Variants in SSB observed in about 807,000 individuals in gnomAD.
The protein encoded by SSB is lupus La protein.
Under a neutral mutation model 52.9 loss-of-function variants are expected in SSB, and 17 were observed. The observed-to-expected ratio is 0.32, with a 90% confidence interval of 0.22 to 0.48. SSB has a LOEUF of 0.48. SSB is among the 20% of genes least tolerant of loss of function. The pLI, the probability that SSB is intolerant of heterozygous loss-of-function variation, is 0.99. For missense variants in SSB, 314 were observed against 463.6 expected, an observed-to-expected ratio of 0.68 and a Z score of 2.96; for synonymous variants, 111 against 152.1, an observed-to-expected ratio of 0.73 and a Z score of 1.99.
chr2:169,810,705 C>T, intron 9 of SSB, 153 bp from the exon 10 acceptor site: 1 of 759,612 alleles, frequency 1.3e-6, no homozygotes, highest in East Asian at 2.7e-5. Context: ...AGTTTTACTT[C>T]TGTAGCATTC....
At chr2:169,808,436 T>A (rs1349546594) in intron 6 of SSB, 46 bp from the exon 7 acceptor site, 1 of 1,490,358 alleles carries the variant, frequency 6.7e-7, no homozygotes, top group Non-Finnish European at 9.3e-7. Flanking sequence ...TCTGCAGTCT[T>A]AACTTTGTTC....
chr2:169,804,408 A>T (rs984124777), intron 2 of SSB, among the ~76,000 whole-genome samples: 85 of 150,722 alleles, frequency 5.6e-4, no homozygotes, highest in African/African-American at 1.3e-3. Flanking sequence ...TTTCTTATTT[A>T]TTTTATTTAT....
chr2:169,801,732 C>G (rs1318112287), intron 2 of SSB, among the ~76,000 whole-genome samples: 1 of 151,992 alleles, frequency 6.6e-6, no homozygotes, highest in Admixed American at 6.6e-5. Context: ...CAGGGTTTCA[C>G]CATGTTGGCC....
intron 7 of SSB, 23 bp downstream of exon 7, chr2:169,808,576 G>A (rs768733416): frequency 2.0e-5 from 31 of 1,573,764 alleles, no homozygotes; most frequent in Admixed American, 3.4e-5. Flanking sequence ...AACTAATCAC[G>A]ACATAATTTG....
Position 169,806,878 on chromosome 2 carries a change from C to G in SSB, c.439C>G (p.His147Asp). 1 of 1,612,134 alleles carries G rather than the reference C, an allele frequency of 6.2e-7. No homozygotes were observed. Among genetic ancestry groups the G allele is most frequent in the South Asian group, 1.1e-5 (1 of 90,674 alleles). Residue 147 changes from histidine (H) to aspartate (D), a missense_variant, in exon 5 of 12, where the codon CAT becomes GAT. By Grantham distance (81) the His-to-Asp change is moderately conservative. Coordinates refer to ENST00000260956, the MANE Select transcript of SSB (RefSeq NM_003142.5). ...AAATATTCAGATGAGAAGAACATTG[C>G]ATAAAGCATTTAAGGTATGATAATA... is the stretch of plus-strand genomic sequence containing the variant. ...VLNIQMRRTL[H>D]KAFKGSIFVV...
chr2:169,803,398 C>T (rs988201022), intron 2 of SSB, among the ~76,000 whole-genome samples: 2 of 152,034 alleles, frequency 1.3e-5, no homozygotes, highest in African/African-American at 2.4e-5. Flanking sequence ...TATAGGTGCA[C>T]ACCACCATGC....
chr2:169,800,108 C>T (rs924736718), intron 1 of SSB, among the ~76,000 whole-genome samples: 1 of 152,180 alleles, frequency 6.6e-6, no homozygotes, highest in Non-Finnish European at 1.5e-5. Flanking sequence ...AGTATGACCA[C>T]ATTCTCCCAT....
chr2:169,812,009 G>T lies in SSB; in HGVS notation c.*253G>T. ...CCATTAAATTGCCTTTGTAATATGA[G>T]AATGTATTAGTACAAACTAACTAAT... is the stretch of plus-strand genomic sequence containing the variant. On this transcript the variant is annotated 3_prime_UTR_variant, in exon 12 of 12. Coordinates refer to ENST00000260956, the MANE Select transcript of SSB (RefSeq NM_003142.5). 1 of 827,446 alleles carries T rather than the reference G, an allele frequency of 1.2e-6. No homozygotes were observed. The highest frequency in any genetic ancestry group is 1.9e-6 in the Non-Finnish European group (1 of 527,928). 51.3% of individuals were successfully genotyped at this position (827,446 alleles called of 1,614,324 possible).
In SSB at chr2:169,805,823, A is replaced by G. The variant is rs537120356; in HGVS notation, c.329A>G (p.Asn110Ser). The change falls in exon 4 of 12, where the codon AAC (asparagine) becomes AGC (serine). Residue 110 changes from asparagine (N) to serine (S), a missense_variant. Coordinates refer to ENST00000260956, the MANE Select transcript of SSB (RefSeq NM_003142.5). Reference protein sequence around the residue: ...VTDEYKNDVKNRSVYIKGFPT... With the variant: ...VTDEYKNDVKSRSVYIKGFPT... The stretch of plus-strand genomic sequence containing the variant: ...GATGAGTATAAAAATGATGTAAAAA[A>G]CAGATCTGTTTATATTGTAAGTGGG... 6.2e-6 allele frequency: 10 copies of G among 1,613,448 alleles called. No individual in the cohort carries two copies. The highest frequency in any genetic ancestry group is 1.3e-5 in the African/African-American group (1 of 74,990).
intron 7 of SSB, 53 bp downstream of exon 7, chr2:169,808,606 A>G: frequency 6.8e-7 from 1 of 1,467,822 alleles, no homozygotes; most frequent in Non-Finnish European, 9.5e-7. Context: ...AAGCTCTGAC[A>G]GAAATATAGC....
intron 1 of SSB, among the ~76,000 whole-genome samples, chr2:169,800,328 C>A (rs1473933968): frequency 2.0e-5 from 3 of 151,956 alleles, no homozygotes; most frequent in Non-Finnish European, 4.4e-5. Context: ...GTCAGGAGTT[C>A]AAGACCAGTC....
chr2:169,803,231 T>A (rs1689747579), intron 2 of SSB, among the ~76,000 whole-genome samples: 1 of 149,852 alleles, frequency 6.7e-6, no homozygotes, highest in African/African-American at 2.4e-5. Flanking sequence ...TGAGGTTGGA[T>A]TTTTTTTTTA....
At chr2:169,801,522 T>G (rs1689712930) in intron 2 of SSB, among the ~76,000 whole-genome samples, 1 of 142,696 alleles carries the variant, frequency 7.0e-6, no homozygotes, top group Non-Finnish European at 1.5e-5. Context: ...TTTTTTTTTT[T>G]TTTTTTTTTT....
Position 169,811,063 on chromosome 2 carries a change from T to G in SSB, c.997+19T>G. 3.1e-6 allele frequency: 5 copies of G among 1,603,218 alleles called. No individual in the cohort carries two copies. The highest frequency in any genetic ancestry group is 4.2e-6 in the Non-Finnish European group (5 of 1,177,384). On this transcript the variant is annotated intron_variant, in intron 10 of 11. Coordinates refer to ENST00000260956, the MANE Select transcript of SSB (RefSeq NM_003142.5). ...TCAAAAGGTCATTTATTCTGATTTT[T>G]CTTTAACAGTTTGGTTGTTGAACCC...
chr2:169,798,979 G>C lies in SSB; in HGVS notation c.-10+3G>C, dbSNP rs1279190539. On this transcript the variant is annotated splice_donor_region_variant and intron_variant, in intron 1 of 11. Coordinates refer to ENST00000260956, the MANE Select transcript of SSB (RefSeq NM_003142.5). ...TTCTGTGGGCCGGAACCTTAAAGGTGAGTAACTCTCGGTGGCTAATGAGAA... is the reference window on the plus strand; with the variant it reads ...TTCTGTGGGCCGGAACCTTAAAGGTCAGTAACTCTCGGTGGCTAATGAGAA... The C allele has an allele frequency of 2.0e-5, 3 of 152,182 alleles. No individual in the cohort carries two copies. Among genetic ancestry groups the C allele is most frequent in the Non-Finnish European group, 4.4e-5 (3 of 68,074 alleles). 9.4% of individuals were successfully genotyped at this position (152,182 alleles called of 1,614,324 possible). A position where few individuals can be genotyped will look rare whatever the true frequency, so the allele number is the denominator to read the frequency against.
At chr2:169,808,641 T>G (rs77130712) in intron 7 of SSB, 88 bp downstream of exon 7, 1 of 1,258,576 alleles carries the variant, frequency 7.9e-7, no homozygotes, top group Non-Finnish European at 1.1e-6. Context: ...ATAGTGGCAG[T>G]AGACCTTTCT....
chr2:169,810,110 A>C (rs921168749), intron 8 of SSB, 173 bp from the exon 9 acceptor site: 4 of 362,226 alleles, frequency 1.1e-5, no homozygotes, highest in Middle Eastern at 7.3e-4. Context: ...ATTTATTATT[A>C]TTATTATTTT....
intron 4 of SSB, 65 bp downstream of exon 4, chr2:169,805,904 A>G: frequency 2.1e-6 from 3 of 1,449,610 alleles, no homozygotes; most frequent in Non-Finnish European, 2.9e-6. Context: ...ACGGAAGAAT[A>G]AGGGCTCAGG....
In SSB at chr2:169,810,321, T is replaced by C; in HGVS notation, c.708T>C (p.Phe236=). The C allele has an allele frequency of 6.2e-7, 1 of 1,606,818 alleles. No homozygotes were observed. The highest frequency in any genetic ancestry group is 8.5e-7 in the Non-Finnish European group (1 of 1,178,242). The stretch of plus-strand genomic sequence containing the variant: ...AAAAGATTGGATGCTTGCTGAAATT[T>C]TCGGGTGATTTAGATGATCAGACCT... ...LEEKIGCLLK[F]SGDLDDQTCR... Residue 236 remains phenylalanine (F), a synonymous_variant, in exon 9 of 12, where the codon TTT becomes TTC. Coordinates refer to ENST00000260956, the MANE Select transcript of SSB (RefSeq NM_003142.5).
Sources: allele counts gnomAD v4.1 joint callset (sites outside exome capture counted in the v4.1 genomes callset), GRCh38; gene constraint gnomAD v4.1.1; transcripts MANE v1.5; gene names NCBI Gene and HGNC (gene_info 2026-07-23, HGNC 2026-07-21).